MAP4K4: variants seen among roughly 807,000 people sequenced by gnomAD.
The protein encoded by MAP4K4 is HPK/GCK-like kinase HGK.
In MAP4K4, 38 loss-of-function variants were observed where a neutral mutation model predicts 189.6. The ratio of observed to expected loss-of-function variants is 0.20; its 90% CI spans 0.15 to 0.26. The LOEUF (loss-of-function observed/expected upper bound fraction) is 0.26, where lower values mean the gene tolerates loss of function less well. MAP4K4 is among the 10% of genes least tolerant of loss of function. The pLI, the probability that MAP4K4 is intolerant of heterozygous loss-of-function variation, is 1.00. For missense variants in MAP4K4, 1,054 were observed against 1,726.9 expected (o/e 0.61, Z 6.91); for synonymous variants, 610 against 624.3 (o/e 0.98, Z 0.34).
intron 3 of MAP4K4, among the ~76,000 whole-genome samples, chr2:101,823,470 A>G (rs1456243682): frequency 3.3e-5 from 5 of 152,220 alleles, no homozygotes. Flanking sequence ...GCTGTCGTGC[A>G]GGGTTGTTAG....
chr2:101,867,890 C>A, intron 20 of MAP4K4, 139 bp from the exon 21 acceptor site: 2 of 777,276 alleles, frequency 2.6e-6, no homozygotes, highest in Non-Finnish European at 2.2e-6. Flanking sequence ...GAATTTTAAG[C>A]CTGTCAGAGT....
chr2:101,712,664 T>C (rs1199856565), intron 2 of MAP4K4, among the ~76,000 whole-genome samples: 2 of 151,412 alleles, frequency 1.3e-5, no homozygotes, highest in Non-Finnish European at 2.9e-5. Flanking sequence ...CATGCCTGGC[T>C]AATTTATTTT....
chr2:101,718,435 C>G (rs1376478174), intron 2 of MAP4K4, among the ~76,000 whole-genome samples: 2 of 148,302 alleles, frequency 1.3e-5, no homozygotes, highest in African/African-American at 5.1e-5. Context: ...GTCCTGACTT[C>G]TAAGTTTAGC....
chr2:101,748,297 G>C (rs951563232), intron 2 of MAP4K4, among the ~76,000 whole-genome samples: 1 of 152,148 alleles, frequency 6.6e-6, no homozygotes, highest in Non-Finnish European at 1.5e-5. Flanking sequence ...GTGTGTGTGG[G>C]TATGTGCCTC....
chr2:101,860,772 T>A, intron 15 of MAP4K4, 53 bp from the exon 16 acceptor site: 1 of 1,425,310 alleles, frequency 7.0e-7, no homozygotes, highest in African/African-American at 1.4e-5. Flanking sequence ...TCTTTGATAT[T>A]TCTGCTTTTC....
intron 3 of MAP4K4, among the ~76,000 whole-genome samples, chr2:101,791,291 A>C (rs2092841394): frequency 6.6e-6 from 1 of 152,162 alleles, no homozygotes; most frequent in Non-Finnish European, 1.5e-5. Context: ...TTAGTAGCAA[A>C]AAATAGTTCT....
At chr2:101,765,534 A>G (rs2078276836) in intron 2 of MAP4K4, among the ~76,000 whole-genome samples, 1 of 152,116 alleles carries the variant, frequency 6.6e-6, no homozygotes. Flanking sequence ...GATGTTGCCC[A>G]GGCTGGTGTC....
chr2:101,818,947 C>G (rs1245021604), intron 3 of MAP4K4, among the ~76,000 whole-genome samples: 1 of 152,142 alleles, frequency 6.6e-6, no homozygotes, highest in Non-Finnish European at 1.5e-5. Context: ...AAAGGCCTCT[C>G]TCTCCTCTTC....
intron 3 of MAP4K4, among the ~76,000 whole-genome samples, chr2:101,805,481 C>G (rs2094839866): frequency 6.6e-6 from 1 of 152,204 alleles, no homozygotes; most frequent in African/African-American, 2.4e-5. Context: ...TGGTGTCCCA[C>G]TAACATCCAA....
chr2:101,768,528 A>G (rs2079770099), intron 2 of MAP4K4, among the ~76,000 whole-genome samples: 1 of 152,174 alleles, frequency 6.6e-6, no homozygotes, highest in Non-Finnish European at 1.5e-5. Flanking sequence ...CTTTTTCTTA[A>G]TATTAACCCC....
chr2:101,765,206 A>G (rs2078093785), intron 2 of MAP4K4, among the ~76,000 whole-genome samples: 1 of 152,026 alleles, frequency 6.6e-6, no homozygotes, highest in Admixed American at 6.6e-5. Context: ...AAAAGTATGT[A>G]GGGAGGAAGG....
intron 12 of MAP4K4, among the ~76,000 whole-genome samples, chr2:101,851,818 C>T (rs2097296767): frequency 1.6e-5 from 2 of 128,856 alleles, no homozygotes; most frequent in Admixed American, 9.9e-5. Flanking sequence ...GTGGGATAGT[C>T]TTGGGAGATT....
At chr2:101,892,061 C>CCAGAACT (rs1246195138) in exon 33 of MAP4K4, 1 of 149,272 alleles carries the variant, frequency 6.7e-6, no homozygotes, top group Non-Finnish European at 1.5e-5. Context: ...TGTATAATGG[C>CCAGAACT]CAGAACTTTG....
At chr2:101,802,007 A>G (rs990794843) in intron 3 of MAP4K4, among the ~76,000 whole-genome samples, 1 of 152,192 alleles carries the variant, frequency 6.6e-6, no homozygotes, top group African/African-American at 2.4e-5. Context: ...TCTGCCTTCA[A>G]ACTATGTCAT....
chr2:101,776,009 C>T (rs866814562), intron 2 of MAP4K4, among the ~76,000 whole-genome samples: 4 of 152,156 alleles, frequency 2.6e-5, no homozygotes, highest in South Asian at 2.1e-4. Context: ...TTATGCTTAA[C>T]GTGGTGGTGT....
At chr2:101,875,801 C>T (rs2098186037) in intron 26 of MAP4K4, among the ~76,000 whole-genome samples, 1 of 152,156 alleles carries the variant, frequency 6.6e-6, no homozygotes, top group Non-Finnish European at 1.5e-5. Context: ...CATGAATGAT[C>T]AAGAGGGAGA....
intron 2 of MAP4K4, among the ~76,000 whole-genome samples, chr2:101,699,203 G>C (rs953632556): frequency 6.6e-6 from 1 of 152,166 alleles, no homozygotes; most frequent in African/African-American, 2.4e-5. Flanking sequence ...AGAGCGAAGA[G>C]AATATAGAGG....
chr2:101,867,114 G>A (rs550075084), intron 19 of MAP4K4, 98 bp from the exon 20 acceptor site: 453 of 727,506 alleles, frequency 6.2e-4, no homozygotes, highest in Non-Finnish European at 9.2e-4. Flanking sequence ...TACCATGAGT[G>A]GGCAGACAGG....
At chr2:101,816,604 A>C (rs2095735542) in intron 3 of MAP4K4, among the ~76,000 whole-genome samples, 1 of 152,204 alleles carries the variant, frequency 6.6e-6, no homozygotes, top group Non-Finnish European at 1.5e-5. Flanking sequence ...AGGTCAGGAA[A>C]GTGAAGACAG....
Sources: allele counts gnomAD v4.1 joint callset (sites outside exome capture counted in the v4.1 genomes callset), GRCh38; gene constraint gnomAD v4.1.1; transcripts MANE v1.5; gene names NCBI Gene and HGNC (gene_info 2026-07-23, HGNC 2026-07-21).